CHST15: variants seen among roughly 807,000 people sequenced by gnomAD.
CHST15 encodes the protein B cell RAG associated protein (GALNAC4S-6ST).
CHST15 carries 30 observed loss-of-function variants against 53.6 expected under a neutral mutation model. That is an observed-to-expected ratio of 0.56 (90% confidence interval 0.42 to 0.76). CHST15 has a LOEUF of 0.76. Among genes scored for constraint, CHST15 ranks in the 30% least tolerant of loss-of-function variants. The pLI, the probability that CHST15 is intolerant of heterozygous loss-of-function variation, is 0.00. For synonymous variants in CHST15, 296 were observed against 289.8 expected (o/e 1.02, Z -0.22); for missense variants, 627 against 740.5 (o/e 0.85, Z 1.78).
intron 1 of CHST15, among the ~76,000 whole-genome samples, chr10:124,065,289 C>CG (rs1179343205): frequency 2.0e-5 from 3 of 152,000 alleles, no homozygotes; most frequent in African/African-American, 7.2e-5. Flanking sequence ...AGGCTGAGGT[C>CG]GGGGGATCTC....
intron 5 of CHST15, among the ~76,000 whole-genome samples, chr10:124,032,155 TAAAA>T (rs1947250704): frequency 6.6e-6 from 1 of 152,214 alleles, no homozygotes; most frequent in South Asian, 2.1e-4. Flanking sequence ...ACGGGTTGTT[TAAAA>T]AATCAGTTTA....
At chr10:124,012,596 T>A in intron 6 of CHST15, 116 bp from the exon 7 acceptor site, 1 of 1,187,870 alleles carries the variant, frequency 8.4e-7, no homozygotes, top group Non-Finnish European at 1.1e-6. Context: ...CTAGCAAAGT[T>A]ACTTTCAGAA....
intron 1 of CHST15, among the ~76,000 whole-genome samples, chr10:124,064,423 G>A (rs897108181): frequency 1.3e-5 from 2 of 152,202 alleles, no homozygotes; most frequent in Non-Finnish European, 2.9e-5. Flanking sequence ...TACAGCAGTG[G>A]CCACGGAGCA....
chr10:124,038,216 C>T (rs1008567587), intron 5 of CHST15, among the ~76,000 whole-genome samples: 1 of 151,844 alleles, frequency 6.6e-6, no homozygotes, highest in Non-Finnish European at 1.5e-5. Flanking sequence ...AAGCGATTCT[C>T]CTGCCTCAGC....
intron 1 of CHST15, among the ~76,000 whole-genome samples, chr10:124,063,137 C>T (rs1948641448): frequency 6.6e-6 from 1 of 152,144 alleles, no homozygotes; most frequent in South Asian, 2.1e-4. Context: ...AATCCCAGCA[C>T]TTTAGGAGGC....
rs190381216 is a variant in CHST15 at position 124,019,493 on chromosome 10, T to C, written c.1347+1763A>G. On this transcript the variant is annotated intron_variant, in intron 6 of 7. Coordinates refer to ENST00000435907, the MANE Select transcript of CHST15 (RefSeq NM_001270764.2). The surrounding 1 kb of genome is among the most constrained non-coding windows in gnomAD (Gnocchi z 4.6). ...CCCTGTGACGGTGGCCACAGAGCCA[T>C]TGAGTCATTCCCCCTTTGACAATCA... 2.6e-5 allele frequency among the ~76,000 whole-genome samples: 4 copies of C among 152,248 alleles called. No individual in the cohort carries two copies. Among genetic ancestry groups the C allele is most frequent in the African/African-American group, 9.6e-5 (4 of 41,552 alleles).
intron 1 of CHST15, among the ~76,000 whole-genome samples, chr10:124,062,441 T>C (rs1034066129): frequency 2.6e-4 from 40 of 152,216 alleles, no homozygotes; most frequent in Non-Finnish European, 1.3e-4. Context: ...TTACCGGCTG[T>C]GTGCCCTCGG....
intron 7 of CHST15, chr10:124,010,772 C>T: frequency 1.0e-6 from 1 of 985,450 alleles, no homozygotes; most frequent in East Asian, 1.1e-4. Context: ...ATCGTTTCTA[C>T]TTCAGGCTGC....
chr10:124,060,764 C>T (rs1451409712), intron 1 of CHST15, among the ~76,000 whole-genome samples: 3 of 152,196 alleles, frequency 2.0e-5, no homozygotes, highest in Non-Finnish European at 2.9e-5. Flanking sequence ...GTTATATCCA[C>T]GTATATACTA....
rs764896153 is a variant in CHST15, at chr10:124,033,512, T to C, written c.1190+5003A>G. 1.3e-4 allele frequency among the ~76,000 whole-genome samples: 20 copies of C among 152,334 alleles called. No homozygotes were observed. In the East Asian group the frequency reaches 3.5e-3, roughly 26 times the overall value. On this transcript the variant is annotated intron_variant, in intron 5 of 7. Coordinates refer to ENST00000435907, the MANE Select transcript of CHST15 (RefSeq NM_001270764.2). ...GTAGTGTCTTCCCACTGAGTGTGGCTAGACCTCATGACTCACTTCTAACCA... is the reference window on the plus strand; with the variant it reads ...GTAGTGTCTTCCCACTGAGTGTGGCCAGACCTCATGACTCACTTCTAACCA...
rs117387808 is a variant in CHST15, at chr10:124,062,985, G to A, written c.-512-16261C>T. Among the ~76,000 whole-genome samples the A allele has an allele frequency of 3.0e-4, 46 of 152,284 alleles. No individual in the cohort carries two copies. The East Asian group carries it at 8.5e-3, about 28-fold the overall frequency. On this transcript the variant is annotated intron_variant, in intron 1 of 7. Transcript: ENST00000435907. ...TGAATAAAACTGCTTTGGAGAGGCT[G>A]GGAGAGAGCCCTTCTCCACCCTGAT...
intron 1 of CHST15, among the ~76,000 whole-genome samples, chr10:124,051,745 G>A (rs553706943): frequency 6.6e-6 from 1 of 152,242 alleles, no homozygotes; most frequent in Non-Finnish European, 1.5e-5. Flanking sequence ...GCCCTTGCTT[G>A]GACACCCCCT....
chr10:124,011,711 G>C (rs955988770), intron 7 of CHST15: 1 of 985,268 alleles, frequency 1.0e-6, no homozygotes, highest in Non-Finnish European at 1.2e-6. Context: ...AGGCCCCTGG[G>C]GGGGCTGGTA....
At chr10:124,076,571 T>C (rs532962561) in intron 1 of CHST15, among the ~76,000 whole-genome samples, 25 of 152,360 alleles carry the variant, frequency 1.6e-4, no homozygotes, top group African/African-American at 5.5e-4. Flanking sequence ...ATAAATCACA[T>C]TGGTCTAGGA....
intron 3 of CHST15, 62 bp downstream of exon 3, chr10:124,044,518 G>A (rs1947882861): frequency 1.5e-6 from 2 of 1,342,542 alleles, no homozygotes; most frequent in Admixed American, 3.1e-5. Context: ...CGCTAACGTT[G>A]CGGGAGGAAT....
At position 124,009,721 on chromosome 10, in the gene CHST15, G is replaced by C. The variant is rs1263230059; in HGVS notation, c.*428C>G. On this transcript the variant is annotated 3_prime_UTR_variant, in exon 8 of 8. Coordinates refer to ENST00000435907, the MANE Select transcript of CHST15 (RefSeq NM_001270764.2). ...GACCCCATCTCTAGGGGGAAAAAAA[G>C]GGAACGTGAAGTGTAAGTTCCAGCC... 3.9e-6 allele frequency: 4 copies of C among 1,024,804 alleles called. No homozygotes were observed. The highest frequency in any genetic ancestry group is 4.7e-6 in the Non-Finnish European group (4 of 853,118). 63.5% of individuals were successfully genotyped at this position (1,024,804 alleles called of 1,614,324 possible). A position where few individuals can be genotyped will look rare whatever the true frequency, so the allele number is the denominator to read the frequency against.
chr10:124,010,113 T>C lies in CHST15; in HGVS notation c.*36A>G. The stretch of plus-strand genomic sequence containing the variant: ...TTGTAAAATCCTGATGATGACGGCA[T>C]TGGCGGGCCCAGCACGTGCAGCAAC... On this transcript the variant is annotated 3_prime_UTR_variant, in exon 8 of 8. Coordinates refer to ENST00000435907, the MANE Select transcript of CHST15 (RefSeq NM_001270764.2). 1.2e-6 allele frequency: 2 copies of C among 1,611,484 alleles called. No homozygotes were observed. The highest frequency in any genetic ancestry group is 1.3e-5 in the African/African-American group (1 of 75,004).
At chr10:124,016,521 A>G (rs1946590343) in intron 6 of CHST15, among the ~76,000 whole-genome samples, 1 of 152,092 alleles carries the variant, frequency 6.6e-6, no homozygotes, top group South Asian at 2.1e-4. Context: ...CTGCTAAGCT[A>G]CTGTCTTGTC....
At chr10:124,090,616 G>A (rs1289665344) in intron 1 of CHST15, among the ~76,000 whole-genome samples, 1 of 152,184 alleles carries the variant, frequency 6.6e-6, no homozygotes, top group Non-Finnish European at 1.5e-5. Context: ...TCTCTTCCAG[G>A]CATGTGAAAA....
Sources: gnomAD v4.1 joint callset for allele counts (sites outside exome capture counted in the v4.1 genomes callset) on GRCh38, gnomAD v4.1.1 for gene constraint, Gnocchi (gnomAD v3.1) non-coding constraint, MANE v1.5 for transcripts, NCBI Gene and HGNC (gene_info 2026-07-23, HGNC 2026-07-21) for gene names.